RAD54L: variants seen among roughly 807,000 people sequenced by gnomAD.
RAD54L encodes RAD54 like, also known as DNA repair and recombination protein RAD54-like.
RAD54L carries 74 observed loss-of-function variants against 91.6 expected under a neutral mutation model. That is an observed-to-expected ratio of 0.81 (90% confidence interval 0.67 to 0.98). The LOEUF is 0.98. RAD54L is among the 50% of genes least tolerant of loss of function. The pLI, the probability that RAD54L is intolerant of heterozygous loss-of-function variation, is 0.00. For synonymous variants in RAD54L, 304 were observed against 349.7 expected, an observed-to-expected ratio of 0.87 and a Z score of 1.46; for missense variants, 887 against 945.7, an observed-to-expected ratio of 0.94 and a Z score of 0.81.
intron 2 of RAD54L, among the ~76,000 whole-genome samples, chr1:46,249,566 C>A (rs1027263862): frequency 6.6e-6 from 1 of 152,204 alleles, no homozygotes. Context: ...AGTGTCCTCA[C>A]AGCCATGGGT....
rs1216469476 is a variant in RAD54L at position 46,273,358 on chromosome 1, C to T, written c.1379C>T (p.Pro460Leu). 6.2e-7 allele frequency: 1 copy of T among 1,610,132 alleles called. No individual in the cohort carries two copies. Among genetic ancestry groups the T allele is most frequent in the Non-Finnish European group, 8.5e-7 (1 of 1,176,358 alleles). The change falls in exon 13 of 18, where the codon CCA becomes CTA. Residue 460 changes from proline (P) to leucine (L), a missense_variant. Physicochemically the swap from Pro to Leu is moderately conservative, Grantham distance 98 (BLOSUM62 -3). Coordinates refer to ENST00000371975, the MANE Select transcript of RAD54L (RefSeq NM_003579.4). ...GTTTTGTTTTGTTTTCTCCCAGATC[C>T]AGCTCTAATCTATGATAAGTGTGTG... ...ITSLKKLCNHPALIYDKCVEE... is the reference protein window; with the variant it reads ...ITSLKKLCNHLALIYDKCVEE...
At position 46,260,955 on chromosome 1, in the gene RAD54L, G is replaced by A. The variant is rs2148288592; in HGVS notation, c.706G>A (p.Gly236Arg). The A allele has an allele frequency of 1.2e-6, 2 of 1,614,210 alleles. No homozygotes were observed. Among genetic ancestry groups the A allele is most frequent in the East Asian group, 4.5e-5 (2 of 44,890 alleles). Residue 236 changes from glycine to arginine, a missense_variant, in exon 7 of 18, where the codon GGG (glycine) becomes AGG (arginine). Gly to Arg is a moderately radical substitution (Grantham distance 125, BLOSUM62 -2). Coordinates refer to ENST00000371975, the MANE Select transcript of RAD54L (RefSeq NM_003579.4). The part of the protein sequence containing the change: ...WYNEVGKWLG[G>R]RIQPLAIDGG... ...CAATGAGGTTGGGAAATGGCTCGGAGGGAGGATCCAACCTCTGGCCATCGA... is the reference window on the plus strand; with the variant it reads ...CAATGAGGTTGGGAAATGGCTCGGAAGGAGGATCCAACCTCTGGCCATCGA...
chr1:46,267,116 G>GA (rs1221365611), intron 8 of RAD54L, among the ~76,000 whole-genome samples: 1 of 152,172 alleles, frequency 6.6e-6, no homozygotes, highest in African/African-American at 2.4e-5. Flanking sequence ...GAGGTGGGAG[G>GA]ATTGCAGTGC....
intron 10 of RAD54L, among the ~76,000 whole-genome samples, chr1:46,272,025 C>CTTT (rs1162693010): frequency 0.022 from 911 of 41,140 alleles, 244 homozygotes; most frequent in Non-Finnish European, 0.025. Context: ...GGTCTGATGA[C>CTTT]TTTTTTTTTT....
chr1:46,272,100 T>C (rs1283172580), intron 10 of RAD54L, among the ~76,000 whole-genome samples: 2 of 132,290 alleles, frequency 1.5e-5, no homozygotes, highest in African/African-American at 5.8e-5. Flanking sequence ...TGGAATGCAA[T>C]GGGGCGATCT....
In RAD54L at chr1:46,274,162, C is replaced by T. The variant is rs2148302693; in HGVS notation, c.1635C>T (p.Gly545=). The T allele has an allele frequency of 1.2e-6, 2 of 1,613,836 alleles. No homozygotes were observed. Among genetic ancestry groups the T allele is most frequent in the Non-Finnish European group, 8.5e-7 (1 of 1,179,762 alleles). ...ARRYLYVRLD[G]TMSIKKRAKV... is the part of the protein sequence containing the mutation. ...GGTACTTATACGTCCGCCTGGATGG[C>T]ACGATGTCCATTAAGAAGCGAGCCA... Residue 545 remains glycine (G), a synonymous_variant, in exon 15 of 18, where the codon GGC becomes GGT. Coordinates refer to ENST00000371975, the MANE Select transcript of RAD54L (RefSeq NM_003579.4).
chr1:46,274,226 C>T lies in RAD54L; in HGVS notation c.1689+10C>T, dbSNP rs1157117411. On this transcript the variant is annotated intron_variant, in intron 15 of 17. Coordinates refer to ENST00000371975, the MANE Select transcript of RAD54L (RefSeq NM_003579.4). Reference sequence around the variant, plus strand: ...CTTCAATAGTCCATCGGTAAATGCACATCCCCGTCCCCACACCACCAATGC... The same window carrying T: ...CTTCAATAGTCCATCGGTAAATGCATATCCCCGTCCCCACACCACCAATGC... The T allele has an allele frequency of 6.2e-7, 1 of 1,601,916 alleles. No homozygotes were observed. Among genetic ancestry groups the T allele is most frequent in the East Asian group, 2.2e-5 (1 of 44,808 alleles).
rs772165925 is a variant in RAD54L, at chr1:46,260,054, A to T, written c.362A>T (p.Tyr121Phe). 32 of 1,614,180 alleles carry T rather than the reference A, an allele frequency of 2.0e-5. No homozygotes were observed. Among genetic ancestry groups the T allele is most frequent in the Non-Finnish European group, 2.7e-5 (32 of 1,180,018 alleles). ...CTGGAAAAAGATGCCTTGGTTCTGT[A>T]TGAGCCTCCCCCGCTGAGCGCTCAT... ...DPLEKDALVL[Y>F]EPPPLSAHDQ... Residue 121 changes from tyrosine to phenylalanine, a missense_variant, in exon 5 of 18, where the codon TAT becomes TTT. Tyr to Phe is a conservative substitution (Grantham distance 22). Coordinates refer to ENST00000371975, the MANE Select transcript of RAD54L (RefSeq NM_003579.4).
rs773089761 is a variant in RAD54L at position 46,260,866 on chromosome 1, A to C, written c.617A>C (p.Glu206Ala). 1.8e-5 allele frequency: 29 copies of C among 1,614,126 alleles called. No homozygotes were observed. Among genetic ancestry groups the C allele is most frequent in the Non-Finnish European group, 2.4e-5 (28 of 1,180,060 alleles). ...LMWTLLRQSP[E>A]CKPEIDKAVV... Reference sequence around the variant, plus strand: ...TGGACACTTTTACGCCAGAGTCCAGAGTGCAAGCCAGAAATTGACAAGGCA... The same window carrying C: ...TGGACACTTTTACGCCAGAGTCCAGCGTGCAAGCCAGAAATTGACAAGGCA... Residue 206 changes from glutamate to alanine, a missense_variant, in exon 7 of 18, where the codon GAG becomes GCG. By Grantham distance (107) the Glu-to-Ala change is moderately radical (BLOSUM62 -1). Coordinates refer to ENST00000371975, the MANE Select transcript of RAD54L (RefSeq NM_003579.4).
intron 3 of RAD54L, among the ~76,000 whole-genome samples, chr1:46,255,492 CTTTTTTTTTTTTT>C (rs869103738): frequency 2.5e-5 from 2 of 80,826 alleles, no homozygotes; most frequent in South Asian, 9.1e-4. Flanking sequence ...TTGGCCATTC[CTTTTTTTTTTTTT>C]TTTTTTTTTT....
intron 9 of RAD54L, 25 bp downstream of exon 9, chr1:46,267,634 C>G (rs753402940): frequency 6.3e-7 from 1 of 1,587,870 alleles, no homozygotes; most frequent in East Asian, 2.2e-5. Flanking sequence ...TTGTTTGCCA[C>G]ATCAGAGAGG....
At chr1:46,251,926 G>C (rs1483255001) in intron 3 of RAD54L, among the ~76,000 whole-genome samples, 1 of 152,048 alleles carries the variant, frequency 6.6e-6, no homozygotes, top group Non-Finnish European at 1.5e-5. Flanking sequence ...AAAGAAAATG[G>C]TGTTAAAATG....
intron 3 of RAD54L, among the ~76,000 whole-genome samples, chr1:46,255,245 A>G (rs1659908818): frequency 6.6e-6 from 1 of 152,192 alleles, no homozygotes; most frequent in Admixed American, 6.5e-5. Context: ...AAATGCTGGT[A>G]AGAGCTAGTA....
In RAD54L at chr1:46,267,609, G is replaced by A. The variant is rs769051790; in HGVS notation, c.1042G>A (p.Gly348Arg). ...LVHFVNSGILGTAHEFKKHFE... is the reference protein window; with the variant it reads ...LVHFVNSGILRTAHEFKKHFE... ...ACATTTTGTTAATTCCGGCATCCTA[G>A]GTAAGAATCTAGCCTTGTTTGCCAC... is the stretch of plus-strand genomic sequence containing the variant. The change falls in exon 9 of 18, where the codon GGG becomes AGG. Residue 348 changes from glycine (G) to arginine (R), a missense_variant and splice_region_variant. By Grantham distance (125) the Gly-to-Arg change is moderately radical. Coordinates refer to ENST00000371975, the MANE Select transcript of RAD54L (RefSeq NM_003579.4). The A allele has an allele frequency of 6.2e-7, 1 of 1,609,030 alleles. No individual in the cohort carries two copies. The highest frequency in any genetic ancestry group is 8.5e-7 in the Non-Finnish European group (1 of 1,175,462).
intron 8 of RAD54L, among the ~76,000 whole-genome samples, chr1:46,264,527 GAGATTGTTTC>G (rs1300046124): frequency 6.6e-6 from 1 of 152,250 alleles, no homozygotes; most frequent in Admixed American, 6.5e-5. Flanking sequence ...AGACTGCTCT[GAGATTGTTTC>G]TTCATCTGTA....
rs532865655 is a variant in RAD54L at position 46,263,242 on chromosome 1, T to C, written c.891+1857T>C. On this transcript the variant is annotated intron_variant, in intron 8 of 17. Transcript: ENST00000371975. The surrounding 1 kb of genome is among the most constrained non-coding windows in gnomAD (Gnocchi z 4.3). ...CTTTTCCAGTATGTGTGAATGGCAATAGAGAGGCTAGTACTTAGGAAGCAG... is the reference window on the plus strand; with the variant it reads ...CTTTTCCAGTATGTGTGAATGGCAACAGAGAGGCTAGTACTTAGGAAGCAG... 1.3e-5 allele frequency among the ~76,000 whole-genome samples: 2 copies of C among 152,288 alleles called. No homozygotes were observed. The highest frequency in any genetic ancestry group is 2.4e-5 in the African/African-American group (1 of 41,548).
At chr1:46,267,282 T>C (rs1406484937) in intron 8 of RAD54L, among the ~76,000 whole-genome samples, 177 bp from the exon 9 acceptor site, 1 of 152,224 alleles carries the variant, frequency 6.6e-6, no homozygotes, top group Non-Finnish European at 1.5e-5. Context: ...CAGGCTGGTC[T>C]GGAACTCCTG....
Position 46,276,764 on chromosome 1 carries a change from G to A in RAD54L, c.1870-1053G>A, listed in dbSNP as rs572453469. 4.7e-3 allele frequency among the ~76,000 whole-genome samples: 713 copies of A among 152,168 alleles called. 6 individuals carry two copies. Among genetic ancestry groups the A allele is most frequent in the African/African-American group, 0.017 (690 of 41,512 alleles). On this transcript the variant is annotated intron_variant, in intron 16 of 17. Transcript: ENST00000371975. Reference sequence around the variant, plus strand: ...TTCAGATTTTATTTTTCGTCTCTTCGAAGACAAGATTAAGGCCTTCAGCAT... The same window carrying A: ...TTCAGATTTTATTTTTCGTCTCTTCAAAGACAAGATTAAGGCCTTCAGCAT...
At chr1:46,256,247 T>G (rs1659936564) in intron 3 of RAD54L, among the ~76,000 whole-genome samples, 1 of 151,964 alleles carries the variant, frequency 6.6e-6, no homozygotes, top group South Asian at 2.1e-4. Flanking sequence ...ATTTTTAAAT[T>G]TTGTGTACGG....
Sources: gnomAD v4.1 joint callset for allele counts (sites outside exome capture counted in the v4.1 genomes callset) on GRCh38, gnomAD v4.1.1 for gene constraint, Gnocchi (gnomAD v3.1) non-coding constraint, MANE v1.5 for transcripts, NCBI Gene and HGNC (gene_info 2026-07-23, HGNC 2026-07-21) for gene names.